ATG14: variants seen among roughly 807,000 people sequenced by gnomAD.
ATG14 encodes the protein autophagy related 14, also known as beclin 1-associated autophagy-related key regulator.
In ATG14, 35 loss-of-function variants were observed where a neutral mutation model predicts 60.4. The ratio of observed to expected loss-of-function variants is 0.58; its 90% confidence interval spans 0.44 to 0.77. The LOEUF is 0.77. Among genes scored for constraint, ATG14 ranks in the 30% least tolerant of loss-of-function variants. The pLI, the probability that ATG14 is intolerant of heterozygous loss-of-function variation, is 0.00. For synonymous variants in ATG14, 234 were observed against 228.8 expected, an observed-to-expected ratio of 1.02 and a Z score of -0.21; for missense variants, 647 against 626.3, an observed-to-expected ratio of 1.03 and a Z score of -0.35.
intron 3 of ATG14, among the ~76,000 whole-genome samples, chr14:55,394,084 G>A (rs1885271420): frequency 1.3e-5 from 2 of 148,636 alleles, no homozygotes; most frequent in South Asian, 2.1e-4. Flanking sequence ...TCGGCTCACT[G>A]TGATCTCTGT....
intron 5 of ATG14, among the ~76,000 whole-genome samples, chr14:55,383,030 G>A (rs1032715528): frequency 2.0e-5 from 3 of 152,116 alleles, no homozygotes; most frequent in Admixed American, 6.6e-5. Context: ...TCTTTCTGTT[G>A]TTCTTTCAAG....
chr14:55,380,305 A>G (rs1390750324), intron 7 of ATG14, among the ~76,000 whole-genome samples: 11 of 151,682 alleles, frequency 7.3e-5, no homozygotes, highest in Non-Finnish European at 1.2e-4. Flanking sequence ...GCGATTTAAC[A>G]TATGAGGATC....
intron 1 of ATG14, among the ~76,000 whole-genome samples, chr14:55,410,392 T>C (rs569743364): frequency 7.2e-5 from 11 of 152,324 alleles, no homozygotes; most frequent in Non-Finnish European, 1.6e-4. Context: ...CTCCATCAGT[T>C]AGACATTTCC....
At chr14:55,395,899 A>T in intron 3 of ATG14, 41 bp downstream of exon 3, 1 of 1,423,370 alleles carries the variant, frequency 7.0e-7, no homozygotes, top group Non-Finnish European at 9.4e-7. Context: ...CAACTTAAAA[A>T]CATGTAGCCT....
intron 1 of ATG14, among the ~76,000 whole-genome samples, chr14:55,403,864 T>C (rs1885449467): frequency 6.6e-6 from 1 of 152,250 alleles, no homozygotes; most frequent in Non-Finnish European, 1.5e-5. Flanking sequence ...AAATTTCAAA[T>C]GTCATATTTA....
rs752202296 is a variant in ATG14, at chr14:55,385,708, G to A, written c.647+151C>T. ...CTGCCTCCCCAGCTTTCTGCGGTGC[G>A]TACTGTTTGTTGAAACAGATAAGAC... On this transcript the variant is annotated intron_variant, in intron 5 of 9. Coordinates refer to ENST00000247178, the MANE Select transcript of ATG14 (RefSeq NM_014924.5). The A allele has an allele frequency of 1.5e-4, 113 of 745,810 alleles. 1 individual carries two copies. Among genetic ancestry groups the A allele is most frequent in the Middle Eastern group, 6.9e-4 (2 of 2,884 alleles). The allele number at this position is 745,810 out of a possible 1,614,324, so 46.2% of individuals were successfully genotyped here.
chr14:55,373,295 A>G (rs1286302499), intron 9 of ATG14, among the ~76,000 whole-genome samples: 1 of 152,156 alleles, frequency 6.6e-6, no homozygotes, highest in Non-Finnish European at 1.5e-5. Flanking sequence ...AAGGCAACAA[A>G]AGGATCTTTC....
At chr14:55,402,849 C>CAAG (rs200854274) in intron 1 of ATG14, among the ~76,000 whole-genome samples, 7,551 of 112,616 alleles carry the variant, frequency 0.067, 313 homozygotes, top group Middle Eastern at 0.12. Flanking sequence ...TTATTTGAAT[C>CAAG]GAGTTCAAGA....
chr14:55,409,119 A>G (rs1885532899), intron 1 of ATG14, among the ~76,000 whole-genome samples: 1 of 152,234 alleles, frequency 6.6e-6, no homozygotes, highest in Admixed American at 6.5e-5. Flanking sequence ...GGTCTGAACT[A>G]AAACTCGGAT....
At chr14:55,411,531 T>A (rs558362229) in intron 1 of ATG14, 71 bp downstream of exon 1, 3 of 1,457,028 alleles carry the variant, frequency 2.1e-6, no homozygotes, top group Non-Finnish European at 2.8e-6. Flanking sequence ...GAGCCCCAGG[T>A]TCCAGCCTTC....
intron 1 of ATG14, among the ~76,000 whole-genome samples, chr14:55,402,440 AAC>A (rs1372925983): frequency 2.6e-5 from 4 of 152,206 alleles, no homozygotes; most frequent in African/African-American, 9.6e-5. Context: ...CTAAGAAAAT[AAC>A]AGAGATGAGG....
In ATG14 at chr14:55,402,968, T is replaced by TATATATATAA. The variant is rs1336670488; in HGVS notation, c.222-5535_222-5534insTTATATATAT. On this transcript the variant is annotated intron_variant, in intron 1 of 9. Transcript: ENST00000247178. The stretch of plus-strand genomic sequence containing the variant: ...ATATATATATATATATATATATATA[T>TATATATATAA]AAATAGCTGGGCATAGTGGTGCATG... Among the ~76,000 whole-genome samples, 6 of 60,984 alleles carry TATATATATAA rather than the reference T, an allele frequency of 9.8e-5. No homozygotes were observed. The East Asian group carries it at 2.4e-3, about 25-fold the overall frequency. 40.0% of individuals were successfully genotyped at this position (60,984 alleles called of 152,430 possible). A position where few individuals can be genotyped will look rare whatever the true frequency, so the allele number is the denominator to read the frequency against.
intron 1 of ATG14, among the ~76,000 whole-genome samples, chr14:55,402,817 T>C (rs1274904981): frequency 1.5e-5 from 2 of 135,670 alleles, no homozygotes; most frequent in Non-Finnish European, 3.1e-5. Flanking sequence ...CTCAACACTT[T>C]AGGGAGCCTG....
chr14:55,378,748 G>C (rs1490553051), intron 7 of ATG14, among the ~76,000 whole-genome samples: 2 of 152,018 alleles, frequency 1.3e-5, no homozygotes, highest in African/African-American at 2.4e-5. Context: ...ACCCAGGCTG[G>C]GGTGCACTGG....
At chr14:55,398,230 T>C (rs1200599334) in intron 1 of ATG14, among the ~76,000 whole-genome samples, 2 of 152,152 alleles carry the variant, frequency 1.3e-5, no homozygotes, top group African/African-American at 4.8e-5. Flanking sequence ...GGCTTACAGG[T>C]GTGAGCCACC....
chr14:55,378,422 A>G (rs1410943068), intron 7 of ATG14, among the ~76,000 whole-genome samples: 1 of 152,342 alleles, frequency 6.6e-6, no homozygotes. Flanking sequence ...AAGGCAAACT[A>G]TACAACTGTC....
intron 9 of ATG14, among the ~76,000 whole-genome samples, chr14:55,377,462 T>C (rs1884940878): frequency 6.6e-6 from 1 of 152,082 alleles, no homozygotes; most frequent in Non-Finnish European, 1.5e-5. Context: ...CACAGCTTTT[T>C]ATAAAGGGGT....
Position 55,411,408 on chromosome 14 carries a change from C to T in ATG14, c.221+194G>A, listed in dbSNP as rs556704160. Among the ~76,000 whole-genome samples the T allele has an allele frequency of 1.8e-3, 281 of 152,324 alleles. 2 individuals are homozygous for T. The highest frequency in any genetic ancestry group is 6.6e-3 in the African/African-American group (273 of 41,578). ...TGGGTGGGTGATGGGGAAACGGCGA[C>T]CTTCCCTCATCTGGCCCCTACGCTG... On this transcript the variant is annotated intron_variant, in intron 1 of 9. Transcript: ENST00000247178.
At chr14:55,381,448 T>C (rs1566579317) in intron 6 of ATG14, among the ~76,000 whole-genome samples, 1 of 152,176 alleles carries the variant, frequency 6.6e-6, no homozygotes, top group Non-Finnish European at 1.5e-5. Context: ...TCCTCTTACA[T>C]AAACAAGACA....
Sources: allele counts gnomAD v4.1 joint callset (sites outside exome capture counted in the v4.1 genomes callset), GRCh38; gene constraint gnomAD v4.1.1; transcripts MANE v1.5; gene names NCBI Gene and HGNC (gene_info 2026-07-23, HGNC 2026-07-21).